Variants in KCNH4 observed in about 807,000 individuals in gnomAD.
KCNH4 encodes the protein voltage-gated delayed rectifier potassium channel KCNH4.
A neutral mutation model predicts 90.7 loss-of-function variants in KCNH4; 33 were observed. That is an observed-to-expected ratio of 0.36 (90% CI 0.28 to 0.49). The LOEUF is 0.49. Ranked by LOEUF, KCNH4 falls within the 20% of genes least tolerant of loss-of-function variation. The pLI is 0.98. For missense variants in KCNH4, 1,044 were observed against 1,387.1 expected (o/e 0.75, Z 3.93); for synonymous variants, 551 against 581.7 (o/e 0.95, Z 0.76).
Position 42,166,381 on chromosome 17 carries a change from G to GGC in KCNH4, c.1754_1755dup (p.Arg586AlafsTer34). ...TAATGTGCCTGCAGGGCATCCCCACGGCGCAACAGGTACTCGCCCGGAGCG... is the reference window on the plus strand; with the variant it reads ...TAATGTGCCTGCAGGGCATCCCCACGGCGCGCAACAGGTACTCGCCCGGAGCG... On this transcript the variant is annotated frameshift_variant, in exon 10 of 17. Transcript: ENST00000264661. LOFTEE classifies it high-confidence loss of function. 1 of 1,613,824 alleles carries GGC rather than the reference G, an allele frequency of 6.2e-7. No homozygotes were observed. The highest frequency in any genetic ancestry group is 1.7e-5 in the Admixed American group (1 of 59,982).
chr17:42,166,157 G>C, intron 10 of KCNH4, 140 bp downstream of exon 10: 1 of 1,081,016 alleles, frequency 9.3e-7, no homozygotes. Flanking sequence ...CGGAGGGACC[G>C]AGAGAGTACT....
rs1425658673 is a variant in KCNH4, at chr17:42,176,303, G to T, written c.586-6C>A. ...GGCTTTGGCTCAAACACGTTCTAAG[G>T]GGAGAGGGGTGGCGGTTGGGGACAC... is the stretch of plus-strand genomic sequence containing the variant. On this transcript the variant is annotated splice_region_variant and splice_polypyrimidine_tract_variant and intron_variant, in intron 4 of 16. Coordinates refer to ENST00000264661, the MANE Select transcript of KCNH4 (RefSeq NM_012285.3). The T allele has an allele frequency of 1.8e-5, 29 of 1,609,956 alleles. No homozygotes were observed. Among genetic ancestry groups the T allele is most frequent in the Non-Finnish European group, 2.4e-5 (28 of 1,177,518 alleles).
intron 9 of KCNH4, among the ~76,000 whole-genome samples, chr17:42,168,304 G>C (rs937623723): frequency 6.6e-6 from 1 of 152,178 alleles, no homozygotes; most frequent in Non-Finnish European, 1.5e-5. Flanking sequence ...AGGGAGAGTC[G>C]CATCAGCTGG....
At chr17:42,161,262 C>A (rs1454936760) in intron 15 of KCNH4, among the ~76,000 whole-genome samples, 2 of 152,204 alleles carry the variant, frequency 1.3e-5, no homozygotes, top group Non-Finnish European at 2.9e-5. Flanking sequence ...TGTTTGGGAA[C>A]CACTGGCCTA....
Position 42,171,903 on chromosome 17 carries a change from C to A in KCNH4, c.1080G>T (p.Val360=), listed in dbSNP as rs775563526. Residue 360 remains valine, a synonymous_variant, in exon 7 of 17, where the codon GTG becomes GTT. Transcript: ENST00000264661. ...AGACCGACATGAGCAGCGTGAGCACCACAGCACTGCACTGAGAGTACCGCT... is the reference window on the plus strand; with the variant it reads ...AGACCGACATGAGCAGCGTGAGCACAACAGCACTGCACTGAGAGTACCGCT... ...KLERYSQCSA[V]VLTLLMSVFA... 6.2e-7 allele frequency: 1 copy of A among 1,614,100 alleles called. No individual in the cohort carries two copies. The highest frequency in any genetic ancestry group is 8.5e-7 in the Non-Finnish European group (1 of 1,180,026).
chr17:42,176,259 C>T lies in KCNH4; in HGVS notation c.624G>A (p.Lys208=), dbSNP rs767990890. 6.2e-7 allele frequency: 1 copy of T among 1,612,464 alleles called. No individual in the cohort carries two copies. The highest frequency in any genetic ancestry group is 1.1e-5 in the South Asian group (1 of 91,044). Residue 208 remains lysine, a synonymous_variant, in exon 5 of 17, where the codon AAG becomes AAA. Transcript: ENST00000264661. ...AGCGAGACCCCCCCACGGAGGCCACCTTGTACTCGGGCACTGATGGCTTTG... is the reference window on the plus strand; with the variant it reads ...AGCGAGACCCCCCCACGGAGGCCACTTTGTACTCGGGCACTGATGGCTTTG... ...FEPKPSVPEY[K]VASVGGSRCL...
chr17:42,173,693 C>CTTTTTTTTTTTT (rs532100884), intron 6 of KCNH4, among the ~76,000 whole-genome samples: 1 of 66,270 alleles, frequency 1.5e-5, no homozygotes, highest in Non-Finnish European at 2.5e-5. Context: ...CGATCTGGTT[C>CTTTTTTTTTTTT]TTTTTTTTTT....
chr17:42,175,863 G>A, intron 5 of KCNH4, 127 bp from the exon 6 acceptor site: 1 of 1,295,720 alleles, frequency 7.7e-7, no homozygotes, highest in Non-Finnish European at 1.1e-6. Flanking sequence ...GCTTCTGGCT[G>A]GTCCTTAGGG....
Position 42,175,666 on chromosome 17 carries a change from A to G in KCNH4, c.900T>C (p.Ile300=), listed in dbSNP as rs1340633499. 1.2e-6 allele frequency: 2 copies of G among 1,614,166 alleles called. No homozygotes were observed. Among genetic ancestry groups the G allele is most frequent in the South Asian group, 1.1e-5 (1 of 91,084 alleles). Residue 300 remains isoleucine (I), a synonymous_variant, in exon 6 of 17, where the codon ATT becomes ATC. Transcript: ENST00000264661. ...ACCAGGTGGCCAGGTAGTGGAGGCC[A>G]ATGGAACGAGGAGCAGAGATTACCT... The part of the protein sequence containing the change: ...SGQVISAPRS[I]GLHYLATWFF...
chr17:42,164,489 C>T (rs1568032520), intron 11 of KCNH4, among the ~76,000 whole-genome samples: 1 of 152,054 alleles, frequency 6.6e-6, no homozygotes, highest in East Asian at 2.0e-4. Flanking sequence ...AAGAGGAGCA[C>T]ATGAGGGGGT....
At position 42,162,281 on chromosome 17, in the gene KCNH4, C is replaced by T. The variant is rs77381258; in HGVS notation, c.2625G>A (p.Glu875=). The T allele has an allele frequency of 2.4e-3, 3,818 of 1,613,934 alleles. 83 individuals carry two copies. The African/African-American group carries it at 0.046, about 19-fold the overall frequency. Residue 875 remains glutamate (E), a synonymous_variant, in exon 15 of 17, where the codon GAG becomes GAA. Transcript: ENST00000264661. ...TCAGCCGGCAAACCTTTTCCTTCAC[C>T]TCCTCAGCCTCACTGGCCAATTCTG... ...PSPELASEAE[E]VKEKVCRLNQ...
rs1379252819 is a variant in KCNH4, at chr17:42,180,070, G to T, written c.76+800C>A. 6.6e-6 allele frequency among the ~76,000 whole-genome samples: 1 copy of T among 152,244 alleles called. No individual in the cohort carries two copies. The highest frequency in any genetic ancestry group is 6.5e-5 in the Admixed American group (1 of 15,286). ...TCCTTCTTCCATCCCAGGGCCTGTTGCCCCGGTGATGGGCGCTATGGAAAC... is the reference window on the plus strand; with the variant it reads ...TCCTTCTTCCATCCCAGGGCCTGTTTCCCCGGTGATGGGCGCTATGGAAAC... On this transcript the variant is annotated intron_variant, in intron 1 of 16. Transcript: ENST00000264661. This position sits in a 1 kb window ranked among gnomAD's most constrained non-coding sequence, Gnocchi z 4.7.
intron 16 of KCNH4, among the ~76,000 whole-genome samples, chr17:42,157,656 G>A (rs2079718486): frequency 6.6e-6 from 1 of 152,148 alleles, no homozygotes; most frequent in Non-Finnish European, 1.5e-5. Flanking sequence ...CACCCAGGCT[G>A]GAGTGCAGTG....
At chr17:42,158,232 C>T (rs2079721626) in intron 16 of KCNH4, among the ~76,000 whole-genome samples, 1 of 151,470 alleles carries the variant, frequency 6.6e-6, no homozygotes, top group African/African-American at 2.4e-5. Flanking sequence ...CCAGCCTACA[C>T]CTGGCTAATT....
chr17:42,171,777 C>A lies in KCNH4; in HGVS notation c.1195+11G>T. On this transcript the variant is annotated intron_variant, in intron 7 of 16. Transcript: ENST00000264661. ...CAGGTGGTCTGTGAAAGTTTGGGGT[C>A]GGTGGCTCACCAATGTCCCAGAGCA... is the stretch of plus-strand genomic sequence containing the variant. 6.2e-7 allele frequency: 1 copy of A among 1,613,890 alleles called. No homozygotes were observed. Among genetic ancestry groups the A allele is most frequent in the South Asian group, 1.1e-5 (1 of 91,056 alleles).
At chr17:42,169,742 C>A in intron 8 of KCNH4, 66 bp from the exon 9 acceptor site, 2 of 1,529,052 alleles carry the variant, frequency 1.3e-6, no homozygotes, top group Non-Finnish European at 9.0e-7. Flanking sequence ...AGCTCCCAAA[C>A]CCACCCTGTC....
chr17:42,170,476 C>T (rs75574007), intron 7 of KCNH4, among the ~76,000 whole-genome samples, 175 bp from the exon 8 acceptor site: 340 of 152,354 alleles, frequency 2.2e-3, no homozygotes, highest in African/African-American at 7.7e-3. Context: ...AGTTGCATTC[C>T]AAGGCCGCCA....
At chr17:42,167,626 AC>A (rs2079797175) in intron 9 of KCNH4, among the ~76,000 whole-genome samples, 3 of 151,638 alleles carry the variant, frequency 2.0e-5, no homozygotes, top group Admixed American at 6.6e-5. Flanking sequence ...CAGGCACTAT[AC>A]CCTCCTCTTG....
chr17:42,165,736 C>T (rs770586765), intron 10 of KCNH4, 43 bp from the exon 11 acceptor site: 29 of 1,610,064 alleles, frequency 1.8e-5, no homozygotes, highest in Admixed American at 6.7e-5. Flanking sequence ...GCAGTGAGAA[C>T]GAAAGGATAT....
Sources: allele counts gnomAD v4.1 joint callset (sites outside exome capture counted in the v4.1 genomes callset), GRCh38; gene constraint gnomAD v4.1.1; non-coding constraint Gnocchi (gnomAD v3.1); transcripts MANE v1.5; gene names NCBI Gene and HGNC (gene_info 2026-07-23, HGNC 2026-07-21).